The following CDH6 variants were observed in gnomAD, a reference collection of about 807,000 sequenced individuals.
CDH6 encodes the protein cadherin 6.
In CDH6, 31 loss-of-function variants were observed where a neutral mutation model predicts 78.0. That is an observed-to-expected ratio of 0.40 (90% CI 0.30 to 0.54). The LOEUF is 0.54. Ranked by LOEUF, CDH6 falls within the 20% of genes least tolerant of loss-of-function variation. The pLI, the probability that CDH6 is intolerant of heterozygous loss-of-function variation, is 0.56. For missense variants in CDH6, 724 were observed against 975.9 expected, an observed-to-expected ratio of 0.74 and a Z score of 3.44; for synonymous variants, 376 against 368.8, an observed-to-expected ratio of 1.02 and a Z score of -0.23.
intron 7 of CDH6, among the ~76,000 whole-genome samples, chr5:31,312,898 T>C (rs1738196565): frequency 6.7e-6 from 1 of 150,076 alleles, no homozygotes; most frequent in Admixed American, 6.7e-5. Flanking sequence ...ATTTTTAAAA[T>C]TAAATGGAAA....
intron 5 of CDH6, among the ~76,000 whole-genome samples, chr5:31,299,933 T>C (rs1211764424): frequency 6.6e-6 from 1 of 152,244 alleles, no homozygotes; most frequent in Non-Finnish European, 1.5e-5. Context: ...AACATATGTA[T>C]ACAAGCATGC....
chr5:31,302,964 AAAAGAAAGAAAG>A (rs369255069), intron 6 of CDH6, among the ~76,000 whole-genome samples: 12 of 111,678 alleles, frequency 1.1e-4, no homozygotes, highest in African/African-American at 4.0e-4. Flanking sequence ...AGAAGGAAAG[AAAAGAAAGAAAG>A]AAAGAAAGAA....
At chr5:31,316,984 C>T (rs1458595545) in intron 9 of CDH6, among the ~76,000 whole-genome samples, 3 of 152,256 alleles carry the variant, frequency 2.0e-5, no homozygotes, top group Admixed American at 1.3e-4. Flanking sequence ...ATGTTGTCAC[C>T]GACTATTGGG....
At chr5:31,308,550 T>A (rs201597735) in intron 7 of CDH6, among the ~76,000 whole-genome samples, 2 of 151,938 alleles carry the variant, frequency 1.3e-5, no homozygotes, top group African/African-American at 4.8e-5. Flanking sequence ...ATATCCTTGA[T>A]ATAAATTTAA....
chr5:31,248,984 T>C (rs1741833750), intron 1 of CDH6, among the ~76,000 whole-genome samples: 1 of 152,006 alleles, frequency 6.6e-6, no homozygotes, highest in Non-Finnish European at 1.5e-5. Flanking sequence ...AAAGATAAGA[T>C]GGAATGCAGA....
intron 1 of CDH6, among the ~76,000 whole-genome samples, chr5:31,232,158 G>A (rs564895559): frequency 6.6e-6 from 1 of 152,220 alleles, no homozygotes; most frequent in East Asian, 1.9e-4. Flanking sequence ...CATGTCTTAA[G>A]GCAAGGAGAA....
In CDH6 at chr5:31,325,243, A is replaced by G. The variant is rs1738596699; in HGVS notation, c.*1935A>G. The G allele has an allele frequency of 4.3e-6, 1 of 230,386 alleles. No homozygotes were observed. The allele number at this position is 230,386 out of a possible 1,614,324, so 14.3% of individuals were successfully genotyped here. On this transcript the variant is annotated 3_prime_UTR_variant, in exon 12 of 12. Transcript: ENST00000265071. ...TTCCGATTTTATAATGGACTGCCCT[A>G]TATAGTAACAAGTATTTCATGCTTG...
At chr5:31,269,386 GT>G (rs1742458981) in intron 2 of CDH6, among the ~76,000 whole-genome samples, 1 of 152,062 alleles carries the variant, frequency 6.6e-6, no homozygotes, top group African/African-American at 2.4e-5. Context: ...ATGGGGAAAA[GT>G]TACAAGCTGT....
chr5:31,230,399 A>G (rs1462152174), intron 1 of CDH6, among the ~76,000 whole-genome samples: 2 of 152,284 alleles, frequency 1.3e-5, no homozygotes, highest in Middle Eastern at 3.4e-3. Flanking sequence ...TCCTTCACTT[A>G]CTAGAAAAAG....
intron 1 of CDH6, among the ~76,000 whole-genome samples, chr5:31,230,777 G>A (rs755180712): frequency 6.6e-6 from 1 of 152,144 alleles, no homozygotes; most frequent in African/African-American, 2.4e-5. Context: ...AGAGAAATTA[G>A]AGATGTATAC....
intron 1 of CDH6, among the ~76,000 whole-genome samples, chr5:31,256,500 C>T (rs1164877287): frequency 6.6e-6 from 1 of 152,162 alleles, no homozygotes; most frequent in African/African-American, 2.4e-5. Flanking sequence ...CCATGGAGAG[C>T]TTGCCTAATT....
rs189019849 is a variant in CDH6, at chr5:31,309,050, A to C, written c.1253+3623A>C. ...AAATAAGAAATGATCAAGTAAGTAC[A>C]ATGCTGTTGCCTGAATTCTTAATAA... On this transcript the variant is annotated intron_variant, in intron 7 of 11. Coordinates refer to ENST00000265071, the MANE Select transcript of CDH6 (RefSeq NM_004932.4). 5.7e-4 allele frequency among the ~76,000 whole-genome samples: 87 copies of C among 152,286 alleles called. No homozygotes were observed. In the Middle Eastern group the frequency reaches 0.01, roughly 18 times the overall value.
At chr5:31,297,267 G>A (rs1398812443) in intron 3 of CDH6, 22 bp from the exon 4 acceptor site, 2 of 1,605,164 alleles carry the variant, frequency 1.2e-6, no homozygotes, top group Non-Finnish European at 8.5e-7. Context: ...TGTGTTTTCA[G>A]TTTATATTTC....
At chr5:31,309,976 C>T (rs1738097639) in intron 7 of CDH6, among the ~76,000 whole-genome samples, 1 of 152,200 alleles carries the variant, frequency 6.6e-6, no homozygotes. Flanking sequence ...TATCATTCTT[C>T]CCTTGGCCCC....
At chr5:31,316,167 A>C in intron 8 of CDH6, 41 bp from the exon 9 acceptor site, 1 of 1,583,144 alleles carries the variant, frequency 6.3e-7, no homozygotes, top group Non-Finnish European at 8.6e-7. Flanking sequence ...ATCGGCAATC[A>C]ACATGTAAAT....
chr5:31,225,889 T>C (rs1229878951), intron 1 of CDH6, among the ~76,000 whole-genome samples: 2 of 152,014 alleles, frequency 1.3e-5, no homozygotes, highest in African/African-American at 4.8e-5. Flanking sequence ...AGCACAGAGG[T>C]TAAATAACTC....
chr5:31,210,593 G>T (rs1442718835), intron 1 of CDH6, among the ~76,000 whole-genome samples: 1 of 152,094 alleles, frequency 6.6e-6, no homozygotes, highest in East Asian at 1.9e-4. Context: ...GTAGAGAATT[G>T]GTTTCAGGAC....
intron 8 of CDH6, among the ~76,000 whole-genome samples, chr5:31,313,935 A>T (rs191011173): frequency 7.9e-5 from 12 of 152,336 alleles, no homozygotes; most frequent in African/African-American, 2.4e-4. Flanking sequence ...GAGATAAATT[A>T]TCACTTTTCT....
intron 1 of CDH6, among the ~76,000 whole-genome samples, chr5:31,208,691 T>C (rs1265747997): frequency 1.3e-5 from 2 of 152,354 alleles, no homozygotes; most frequent in East Asian, 3.9e-4. Flanking sequence ...CAACCCATAG[T>C]AGCACATCAA....
Sources: allele counts gnomAD v4.1 joint callset (sites outside exome capture counted in the v4.1 genomes callset), GRCh38; gene constraint gnomAD v4.1.1; transcripts MANE v1.5; gene names NCBI Gene and HGNC (gene_info 2026-07-23, HGNC 2026-07-21).